Variants in METTL25 observed in about 807,000 individuals in gnomAD.
The protein encoded by METTL25 is methyltransferase like 25.
METTL25 carries 64 observed loss-of-function variants against 71.6 expected under a neutral mutation model. That is an observed-to-expected ratio of 0.89 (90% CI 0.73 to 1.10). The LOEUF is 1.10. Among genes scored for constraint, METTL25 ranks in the 50% least tolerant of loss-of-function variants. METTL25 has a pLI of 0.00. For missense variants in METTL25, 807 were observed against 707.0 expected (o/e 1.14, Z -1.60); for synonymous variants, 287 against 250.3 (o/e 1.15, Z -1.38).
chr12:82,461,357 G>A (rs565805625), intron 9 of METTL25, among the ~76,000 whole-genome samples: 17 of 152,198 alleles, frequency 1.1e-4, no homozygotes, highest in Admixed American at 6.5e-4. Context: ...TTATCTCATT[G>A]AATACTAAGG....
chr12:82,361,480 GGGA>G (rs2136786796), intron 1 of METTL25, among the ~76,000 whole-genome samples: 1 of 152,264 alleles, frequency 6.6e-6, no homozygotes, highest in South Asian at 2.1e-4. Context: ...GTGCTCGTTG[GGGA>G]GGCTTGGGCT....
chr12:82,416,075 C>T (rs762788108), intron 5 of METTL25, among the ~76,000 whole-genome samples: 1 of 151,992 alleles, frequency 6.6e-6, no homozygotes, highest in Non-Finnish European at 1.5e-5. Context: ...CTGGTGAAGG[C>T]AGAAAGAAAG....
At chr12:82,429,587 T>A (rs927729355) in intron 5 of METTL25, among the ~76,000 whole-genome samples, 2 of 151,646 alleles carry the variant, frequency 1.3e-5, no homozygotes, top group African/African-American at 4.8e-5. Flanking sequence ...ATTTCTGGAT[T>A]GTATGTATGG....
chr12:82,465,151 G>C (rs2731289), intron 9 of METTL25, among the ~76,000 whole-genome samples: 138,016 of 151,912 alleles, frequency 0.91, 63,295 homozygotes, highest in East Asian at 1. Context: ...TTGCATGAGA[G>C]TGGTAAGACT....
rs771515033 is a variant in METTL25, at chr12:82,438,728, A to T, written c.1415A>T (p.Glu472Val). The change falls in exon 8 of 12, where the codon GAA becomes GTA. Residue 472 changes from glutamate (E) to valine (V), a missense_variant. Coordinates refer to ENST00000248306, the MANE Select transcript of METTL25 (RefSeq NM_032230.3). ...CTACATTTTTTTCAGCTGCCTACTGAATCACTCTTCTATCGTGCTGTTCTT... is the reference window on the plus strand; with the variant it reads ...CTACATTTTTTTCAGCTGCCTACTGTATCACTCTTCTATCGTGCTGTTCTT... ...RVAAGQGLPT[E>V]SLFYRAVLQD... 6.7e-7 allele frequency: 1 copy of T among 1,494,816 alleles called. No homozygotes were observed. Among genetic ancestry groups the T allele is most frequent in the South Asian group, 1.4e-5 (1 of 70,912 alleles). 92.6% of individuals were successfully genotyped at this position (1,494,816 alleles called of 1,614,324 possible). A position where few individuals can be genotyped will look rare whatever the true frequency, so the allele number is the denominator to read the frequency against.
chr12:82,403,822 C>T lies in METTL25; in HGVS notation c.1279+692C>T, dbSNP rs140401639. 2.8e-3 allele frequency among the ~76,000 whole-genome samples: 426 copies of T among 152,200 alleles called. 3 individuals are homozygous for T. The highest frequency in any genetic ancestry group is 5.0e-3 in the Non-Finnish European group (340 of 68,002). On this transcript the variant is annotated intron_variant, in intron 5 of 11. Transcript: ENST00000248306. ...AAATATGATTTCAAAACTGCTGGTT[C>T]AGATTAGATGGTTATTTAGTATACT...
intron 9 of METTL25, among the ~76,000 whole-genome samples, chr12:82,472,601 A>G (rs565578013): frequency 6.6e-6 from 1 of 152,316 alleles, no homozygotes. Flanking sequence ...CCGTCTCGAA[A>G]AAAAATTATT....
At chr12:82,442,483 G>T (rs554681525) in intron 8 of METTL25, among the ~76,000 whole-genome samples, 106 of 152,214 alleles carry the variant, frequency 7.0e-4, no homozygotes, top group Non-Finnish European at 1.3e-3. Flanking sequence ...ATCCCAAAAG[G>T]TTATATACCA....
At chr12:82,416,502 A>G (rs1013527920) in intron 5 of METTL25, among the ~76,000 whole-genome samples, 4 of 140,970 alleles carry the variant, frequency 2.8e-5, no homozygotes, top group South Asian at 2.2e-4. Flanking sequence ...GGAGTGCAGT[A>G]TCATGATCAT....
intron 8 of METTL25, among the ~76,000 whole-genome samples, chr12:82,441,989 C>T (rs1015647250): frequency 1.3e-5 from 2 of 152,118 alleles, no homozygotes. Flanking sequence ...TTGTATCCAA[C>T]TGCGATAAAA....
intron 1 of METTL25, among the ~76,000 whole-genome samples, chr12:82,366,254 T>C (rs900818729): frequency 2.0e-5 from 3 of 152,210 alleles, no homozygotes; most frequent in Admixed American, 6.5e-5. Context: ...CTTATAATGT[T>C]ATTTAAATTA....
At chr12:82,384,491 T>C (rs571408425) in intron 1 of METTL25, among the ~76,000 whole-genome samples, 1 of 142,796 alleles carries the variant, frequency 7.0e-6, no homozygotes, top group South Asian at 2.2e-4. Flanking sequence ...ACAAATAAAG[T>C]ACAGCAGCTA....
intron 5 of METTL25, among the ~76,000 whole-genome samples, chr12:82,426,688 T>A (rs1215738885): frequency 6.6e-5 from 10 of 152,022 alleles, no homozygotes; most frequent in African/African-American, 2.4e-4. Context: ...TCTTTTATTA[T>A]GCTCCACTTC....
chr12:82,446,293 TTG>T (rs1283251258), intron 8 of METTL25, among the ~76,000 whole-genome samples: 8 of 152,154 alleles, frequency 5.3e-5, no homozygotes, highest in Non-Finnish European at 4.4e-5. Flanking sequence ...CAAAGAAACT[TTG>T]TGTTAAACTA....
intron 5 of METTL25, among the ~76,000 whole-genome samples, chr12:82,424,003 A>G (rs900426281): frequency 4.6e-5 from 7 of 152,194 alleles, no homozygotes; most frequent in Non-Finnish European, 1.0e-4. Context: ...CTAGAACTAG[A>G]AATACCATTT....
At chr12:82,369,497 G>A in intron 1 of METTL25, 1 of 448,594 alleles carries the variant, frequency 2.2e-6, no homozygotes. Flanking sequence ...TGTGTCCAGA[G>A]TTTCTTCCTT....
At chr12:82,456,880 A>G (rs1348535182) in intron 9 of METTL25, 60 bp downstream of exon 9, 1 of 760,814 alleles carries the variant, frequency 1.3e-6, no homozygotes, top group Non-Finnish European at 2.0e-6. Flanking sequence ...TTTTGTAATG[A>G]ATTGAGAGAA....
intron 1 of METTL25, among the ~76,000 whole-genome samples, chr12:82,360,403 G>T (rs1881687203): frequency 6.6e-6 from 1 of 151,816 alleles, no homozygotes; most frequent in Non-Finnish European, 1.5e-5. Flanking sequence ...AATTTGCAAG[G>T]GATATAGCTG....
At chr12:82,445,765 A>C (rs755379608) in intron 8 of METTL25, among the ~76,000 whole-genome samples, 1 of 152,238 alleles carries the variant, frequency 6.6e-6, no homozygotes, top group Non-Finnish European at 1.5e-5. Context: ...GTTGCCCACC[A>C]TTTCAAGATA....
Sources: gnomAD v4.1 joint callset for allele counts (sites outside exome capture counted in the v4.1 genomes callset) on GRCh38, gnomAD v4.1.1 for gene constraint, MANE v1.5 for transcripts, NCBI Gene and HGNC (gene_info 2026-07-23, HGNC 2026-07-21) for gene names.